The following RELCH variants were observed in gnomAD, a reference collection of about 807,000 sequenced individuals.
The protein encoded by RELCH is RAB11 binding and LisH domain, coiled-coil and HEAT repeat containing, also known as RAB11-binding protein RELCH.
In RELCH, 41 loss-of-function variants were observed where a neutral mutation model predicts 150.3. That is an observed-to-expected ratio of 0.27 (90% CI 0.21 to 0.35). The LOEUF is 0.35. RELCH is among the 10% of genes least tolerant of loss of function. The pLI, the probability that RELCH is intolerant of heterozygous loss-of-function variation, is 1.00. For missense variants in RELCH, 1,092 were observed against 1,467.8 expected (o/e 0.74, Z 4.18); for synonymous variants, 478 against 531.8 (o/e 0.90, Z 1.39).
Position 62,258,596 on chromosome 18 carries a change from G to T in RELCH, c.2122G>T (p.Ala708Ser). ...ACATCAAGTATTTTTACCAGCTTAC[G>T]CTGCGTGGACTACAGAACTTGGAAA... ...ATHQVFLPAYAAWTTELGNLQ... is the reference protein window; with the variant it reads ...ATHQVFLPAYSAWTTELGNLQ... Residue 708 changes from alanine (A) to serine (S), a missense_variant, in exon 15 of 29, where the codon GCT becomes TCT. Coordinates refer to ENST00000644646, the MANE Select transcript of RELCH (RefSeq NM_001346231.2). 2 of 1,604,768 alleles carry T rather than the reference G, an allele frequency of 1.2e-6. No homozygotes were observed. The highest frequency in any genetic ancestry group is 1.7e-5 in the Admixed American group (1 of 57,574).
intron 1 of RELCH, among the ~76,000 whole-genome samples, chr18:62,210,195 T>C (rs1568317349): frequency 6.6e-6 from 1 of 152,174 alleles, no homozygotes; most frequent in Non-Finnish European, 1.5e-5. Flanking sequence ...TTCTCTAAAT[T>C]TTTGGTTTTT....
intron 11 of RELCH, among the ~76,000 whole-genome samples, chr18:62,249,870 C>T (rs921900584): frequency 4.6e-5 from 7 of 151,662 alleles, no homozygotes; most frequent in Non-Finnish European, 8.8e-5. Flanking sequence ...ATGAAAAAAG[C>T]AAAAACTTTA....
chr18:62,203,051 G>A (rs1163989643), intron 1 of RELCH, among the ~76,000 whole-genome samples: 2 of 152,166 alleles, frequency 1.3e-5, no homozygotes, highest in African/African-American at 4.8e-5. Context: ...GCTTAGGGCA[G>A]CAATGGCCAG....
chr18:62,188,111 T>TGTAGGGGA (rs1189099075), intron 1 of RELCH, 80 bp downstream of exon 1: 1 of 1,408,106 alleles, frequency 7.1e-7, no homozygotes, highest in Admixed American at 2.9e-5. Flanking sequence ...GGGGTATTTC[T>TGTAGGGGA]GCGTGGGTCC....
Position 62,309,593 on chromosome 18 carries a change from T to C in RELCH, c.*4059T>C. ...AATATTGCATCAAAAACAAATATAT[T>C]TTATTTTGATAGTATATAAATAATA... On this transcript the variant is annotated 3_prime_UTR_variant, in exon 29 of 29. Coordinates refer to ENST00000644646, the MANE Select transcript of RELCH (RefSeq NM_001346231.2). The C allele has an allele frequency of 6.6e-6, 1 of 152,214 alleles. No individual in the cohort carries two copies. The highest frequency in any genetic ancestry group is 1.9e-4 in the East Asian group (1 of 5,202). 9.4% of individuals were successfully genotyped at this position (152,214 alleles called of 1,614,324 possible).
At chr18:62,277,597 G>A in intron 22 of RELCH, 1 of 892,300 alleles carries the variant, frequency 1.1e-6, no homozygotes, top group Non-Finnish European at 1.3e-6. Context: ...AGACCAGAAA[G>A]AAAAGAAAAT....
At chr18:62,240,606 G>A (rs548333702) in intron 10 of RELCH, among the ~76,000 whole-genome samples, 21 of 151,454 alleles carry the variant, frequency 1.4e-4, no homozygotes, top group African/African-American at 3.4e-4. Flanking sequence ...ATAGGGTTTC[G>A]CCATCTTGCC....
Position 62,240,414 on chromosome 18 carries a change from C to CT in RELCH, c.1621-4339dup, listed in dbSNP as rs1057403539. Among the ~76,000 whole-genome samples the CT allele has an allele frequency of 5.3e-4, 75 of 140,660 alleles. 1 individual carries two copies. The highest frequency in any genetic ancestry group is 1.1e-3 in the African/African-American group (41 of 38,228). 92.3% of individuals were successfully genotyped at this position (140,660 alleles called of 152,430 possible). Reference sequence around the variant, plus strand: ...ACCATTTTCTTTTTTTTTTCTTTTTCTTTTTTTTTTTGGTGACAGGGTCTC... The same window carrying CT: ...ACCATTTTCTTTTTTTTTTCTTTTTCTTTTTTTTTTTTGGTGACAGGGTCTC... On this transcript the variant is annotated intron_variant, in intron 10 of 28. Coordinates refer to ENST00000644646, the MANE Select transcript of RELCH (RefSeq NM_001346231.2).
intron 2 of RELCH, among the ~76,000 whole-genome samples, chr18:62,213,222 G>A (rs916428685): frequency 6.6e-6 from 1 of 151,818 alleles, no homozygotes; most frequent in Non-Finnish European, 1.5e-5. Flanking sequence ...ATCTAGTGTT[G>A]TATAGTTTTA....
rs2043733649 is a variant in RELCH at position 62,268,865 on chromosome 18, T to C, written c.2681-4T>C. 1 of 1,438,220 alleles carries C rather than the reference T, an allele frequency of 7.0e-7. No homozygotes were observed. The highest frequency in any genetic ancestry group is 1.4e-5 in the African/African-American group (1 of 69,020). The allele number at this position is 1,438,220 out of a possible 1,614,324, so 89.1% of individuals were successfully genotyped here. The stretch of plus-strand genomic sequence containing the variant: ...GTTTTTTTAAATTATTTTAATAATT[T>C]TAGATTCCTCAGCAGGAAATGGGGT... On this transcript the variant is annotated splice_region_variant and splice_polypyrimidine_tract_variant and intron_variant, in intron 19 of 28. Coordinates refer to ENST00000644646, the MANE Select transcript of RELCH (RefSeq NM_001346231.2).
At position 62,262,991 on chromosome 18, in the gene RELCH, C is replaced by A. The variant is rs540350408; in HGVS notation, c.2351-998C>A. 5.3e-5 allele frequency among the ~76,000 whole-genome samples: 8 copies of A among 152,032 alleles called. No homozygotes were observed. The South Asian group carries it at 1.7e-3, about 32-fold the overall frequency. ...GTTTCTTGGCTTTTAGATGCATCAC[C>A]CCAAACCTTGCCTTTATCTTCACGT... On this transcript the variant is annotated intron_variant, in intron 16 of 28. Transcript: ENST00000644646.
At chr18:62,269,431 A>G (rs780576478) in intron 20 of RELCH, 6 of 432,872 alleles carry the variant, frequency 1.4e-5, no homozygotes, top group Non-Finnish European at 2.8e-5. Flanking sequence ...ATTTGCATAT[A>G]CATAATGAGA....
intron 1 of RELCH, among the ~76,000 whole-genome samples, chr18:62,205,889 T>G (rs2039747987): frequency 6.6e-6 from 1 of 151,758 alleles, no homozygotes; most frequent in Non-Finnish European, 1.5e-5. Context: ...TAGCCAGACC[T>G]GGTGGCTCAT....
intron 1 of RELCH, among the ~76,000 whole-genome samples, chr18:62,190,204 A>C (rs2038518213): frequency 1.3e-5 from 2 of 152,324 alleles, no homozygotes; most frequent in East Asian, 3.8e-4. Flanking sequence ...TGGATGTAAA[A>C]TTTGCATACA....
chr18:62,199,249 C>T (rs1568300437), intron 1 of RELCH, among the ~76,000 whole-genome samples: 1 of 151,624 alleles, frequency 6.6e-6, no homozygotes, highest in African/African-American at 2.4e-5. Flanking sequence ...ATCTTCTGTA[C>T]TTGAGGGGTT....
At position 62,274,023 on chromosome 18, in the gene RELCH, T is replaced by C. The variant is rs762143394; in HGVS notation, c.2804T>C (p.Met935Thr). ...TTAGTTGGATTCTTAGAAGATGTAA[T>C]GACGCTGCTTTCATTATCTCATGCT... ...KLLVGFLEDV[M>T]TLLSLSHAPL... The change falls in exon 21 of 29, where the codon ATG (methionine) becomes ACG (threonine). Residue 935 changes from methionine (M) to threonine (T), a missense_variant. By Grantham distance (81) the Met-to-Thr change is moderately conservative (BLOSUM62 -1). Transcript: ENST00000644646. 1 of 1,613,230 alleles carries C rather than the reference T, an allele frequency of 6.2e-7. No individual in the cohort carries two copies. Among genetic ancestry groups the C allele is most frequent in the Non-Finnish European group, 8.5e-7 (1 of 1,179,444 alleles).
At chr18:62,232,305 T>G in intron 9 of RELCH, 27 bp from the exon 10 acceptor site, 1 of 1,440,210 alleles carries the variant, frequency 6.9e-7, no homozygotes, top group Non-Finnish European at 9.8e-7. Flanking sequence ...TCCACTATCA[T>G]TGTTTATTAA....
At chr18:62,260,739 TA>T (rs919137922) in intron 15 of RELCH, among the ~76,000 whole-genome samples, 1 of 151,782 alleles carries the variant, frequency 6.6e-6, no homozygotes, top group Non-Finnish European at 1.5e-5. Context: ...ATTCAGCCAT[TA>T]AAAAAAGAAT....
intron 16 of RELCH, among the ~76,000 whole-genome samples, chr18:62,263,095 T>G (rs1312386514): frequency 1.3e-5 from 2 of 152,082 alleles, no homozygotes; most frequent in African/African-American, 2.4e-5. Context: ...GATAAGCGAC[T>G]ACTTCAGTAT....
Sources: allele counts gnomAD v4.1 joint callset (sites outside exome capture counted in the v4.1 genomes callset), GRCh38; gene constraint gnomAD v4.1.1; transcripts MANE v1.5; gene names NCBI Gene and HGNC (gene_info 2026-07-23, HGNC 2026-07-21).